The following DAGLB variants were observed in gnomAD, a reference collection of about 807,000 sequenced individuals.
DAGLB encodes the protein diacylglycerol lipase beta, also known as diacylglycerol lipase-beta.
DAGLB carries 66 observed loss-of-function variants against 72.1 expected under a neutral mutation model. The observed-to-expected ratio is 0.92, with a 90% CI of 0.75 to 1.12. The LOEUF is 1.12. Ranked by LOEUF, DAGLB falls within the 50% of genes most tolerant of loss-of-function variation. The pLI, the probability that DAGLB is intolerant of heterozygous loss-of-function variation, is 0.00. For synonymous variants in DAGLB, 414 were observed against 359.5 expected (o/e 1.15, Z -1.71); for missense variants, 1,065 against 884.9 (o/e 1.20, Z -2.58).
chr7:6,434,785 C>A lies in DAGLB; in HGVS notation c.655G>T (p.Glu219Ter). 6.2e-7 allele frequency: 1 copy of A among 1,614,202 alleles called. No individual in the cohort carries two copies. The highest frequency in any genetic ancestry group is 8.5e-7 in the Non-Finnish European group (1 of 1,180,046). The change falls in exon 4 of 15, where the codon GAG becomes TAG. Residue 219 changes from glutamate to a stop codon, truncating the protein, a stop_gained. Coordinates refer to ENST00000297056, the MANE Select transcript of DAGLB (RefSeq NM_139179.4). LOFTEE classifies it high-confidence loss of function. ...ACTGAAAAGTAGGTTGAGAAAAGCT[C>A]TGCCGTACTCGAAAAAGCAACCCGA... ...HTRVAFSSTAELFSTYFSDTD... is the reference protein window; with the variant it reads ...HTRVAFSSTA
chr7:6,435,344 G>A (rs991176862), intron 3 of DAGLB: 10 of 257,316 alleles, frequency 3.9e-5, no homozygotes, highest in Non-Finnish European at 7.8e-5. Context: ...AAATTAGCTG[G>A]GTGTGGTGGC....
At chr7:6,429,100 G>A (rs548583440) in intron 6 of DAGLB, among the ~76,000 whole-genome samples, 11 of 152,142 alleles carry the variant, frequency 7.2e-5, no homozygotes, top group South Asian at 2.1e-4. Context: ...CACCACGCCC[G>A]GCCTGGGACA....
chr7:6,415,715 G>T (rs1783887098), intron 11 of DAGLB, among the ~76,000 whole-genome samples: 1 of 151,382 alleles, frequency 6.6e-6, no homozygotes, highest in African/African-American at 2.4e-5. Context: ...TGTGGTGGCG[G>T]GCGCCTGTAG....
chr7:6,433,916 A>T (rs1324738213), intron 4 of DAGLB, among the ~76,000 whole-genome samples: 2 of 151,906 alleles, frequency 1.3e-5, no homozygotes, highest in East Asian at 3.9e-4. Context: ...TCTGCCTGTG[A>T]TGTAGATTAC....
Position 6,434,812 on chromosome 7 carries a change from T to C in DAGLB, c.628A>G (p.Thr210Ala), listed in dbSNP as rs775280116. The C allele has an allele frequency of 1.2e-6, 2 of 1,614,004 alleles. No individual in the cohort carries two copies. The highest frequency in any genetic ancestry group is 2.2e-5 in the South Asian group (2 of 91,074). The part of the protein sequence containing the change: ...LCCCIGKDDH[T>A]RVAFSSTAEL... ...GCCGTACTCGAAAAAGCAACCCGAG[T>C]ATGGTCGTCTTTCCCAATGCAACAG... The change falls in exon 4 of 15, where the codon ACT becomes GCT. Residue 210 changes from threonine to alanine, a missense_variant. Physicochemically the swap from Thr to Ala is moderately conservative, Grantham distance 58. Transcript: ENST00000297056.
At chr7:6,428,519 C>T (rs1475198756) in intron 6 of DAGLB, among the ~76,000 whole-genome samples, 5 of 149,556 alleles carry the variant, frequency 3.3e-5, no homozygotes, top group Non-Finnish European at 5.9e-5. Flanking sequence ...CAGAATCTTG[C>T]TCTGTTGCTT....
Position 6,422,185 on chromosome 7 carries a change from G to A in DAGLB, c.1141-381C>T, listed in dbSNP as rs1784150068. ...ACAGGTGAAACCGTGGAGAGGAGGA[G>A]GCCTAGACTAGCACCACAGCAAGGG... On this transcript the variant is annotated intron_variant, in intron 8 of 14. Transcript: ENST00000297056. The A allele has an allele frequency of 1.7e-4, 62 of 358,714 alleles. 2 individuals carry two copies. Among genetic ancestry groups the A allele is most frequent in the South Asian group, 1.3e-3 (62 of 47,734 alleles). The allele number at this position is 358,714 out of a possible 1,614,324, so 22.2% of individuals were successfully genotyped here. A position where few individuals can be genotyped will look rare whatever the true frequency, so the allele number is the denominator to read the frequency against.
At chr7:6,415,705 T>A (rs1042473745) in intron 11 of DAGLB, among the ~76,000 whole-genome samples, 5 of 149,810 alleles carry the variant, frequency 3.3e-5, no homozygotes, top group African/African-American at 1.2e-4. Flanking sequence ...ATTAGCCGGG[T>A]GTGGTGGCGG....
At chr7:6,412,727 G>C in intron 13 of DAGLB, 84 bp downstream of exon 13, 1 of 1,425,180 alleles carries the variant, frequency 7.0e-7, no homozygotes, top group Non-Finnish European at 9.7e-7. Flanking sequence ...CCTGCACTGA[G>C]GGTGCAATTC....
rs150179884 is a variant in DAGLB at position 6,415,034 on chromosome 7, G to A, written c.1427+1593C>T. ...AAATTAGCTGGATGTGGTGGTGTGC[G>A]CCTATGGTCCCAGCTACTTGGGAGG... On this transcript the variant is annotated intron_variant, in intron 11 of 14. Coordinates refer to ENST00000297056, the MANE Select transcript of DAGLB (RefSeq NM_139179.4). Among the ~76,000 whole-genome samples, 1,284 of 152,038 alleles carry A rather than the reference G, an allele frequency of 8.4e-3. 24 individuals are homozygous for A. Among genetic ancestry groups the A allele is most frequent in the African/African-American group, 0.03 (1,225 of 41,474 alleles).
In DAGLB at chr7:6,434,957, T is replaced by A. The variant is rs748850125; in HGVS notation, c.483A>T (p.Lys161Asn). The A allele has an allele frequency of 6.2e-7, 1 of 1,613,898 alleles. No homozygotes were observed. Reference protein sequence around the residue: ...IIIVFDPLGGKMAPYSSAGPS... With the variant: ...IIIVFDPLGGNMAPYSSAGPS... ...GGCCGGCAGAGGAATATGGAGCCAT[T>A]TTCCCCCCAAGAGGGTCAAAGACAA... The change falls in exon 4 of 15, where the codon AAA becomes AAT. Residue 161 changes from lysine to asparagine, a missense_variant. Lys to Asn is a moderately conservative substitution (Grantham distance 94). Coordinates refer to ENST00000297056, the MANE Select transcript of DAGLB (RefSeq NM_139179.4).
At chr7:6,437,170 T>A (rs192525127) in intron 2 of DAGLB, among the ~76,000 whole-genome samples, 19,010 of 137,240 alleles carry the variant, frequency 0.14, 2,013 homozygotes, top group East Asian at 0.2. Flanking sequence ...ATAATAATAA[T>A]AATAATAATA....
At chr7:6,426,403 G>A (rs1414284560) in intron 6 of DAGLB, among the ~76,000 whole-genome samples, 1 of 152,208 alleles carries the variant, frequency 6.6e-6, no homozygotes, top group Non-Finnish European at 1.5e-5. Context: ...CTGAGTAGCT[G>A]GGATTACATG....
chr7:6,412,795 C>G lies in DAGLB; in HGVS notation c.1569+16G>C. 6.4e-7 allele frequency: 1 copy of G among 1,572,486 alleles called. No homozygotes were observed. The highest frequency in any genetic ancestry group is 8.6e-7 in the Non-Finnish European group (1 of 1,156,318). On this transcript the variant is annotated intron_variant, in intron 13 of 14. Transcript: ENST00000297056. ...CCCCGTGTCCTGCTGACCCTCTCAA[C>G]AAGGCACCCGCTTACCTTGGGTTTA...
At chr7:6,430,846 G>C (rs1021019815) in intron 5 of DAGLB, among the ~76,000 whole-genome samples, 1 of 151,562 alleles carries the variant, frequency 6.6e-6, no homozygotes, top group African/African-American at 2.4e-5. Context: ...CACAATGTCA[G>C]CTCACTGCTA....
In DAGLB at chr7:6,434,797, A is replaced by G; in HGVS notation, c.643T>C (p.Ser215Pro). The G allele has an allele frequency of 1.2e-6, 2 of 1,614,220 alleles. No individual in the cohort carries two copies. The highest frequency in any genetic ancestry group is 1.7e-6 in the Non-Finnish European group (2 of 1,180,036). ...GKDDHTRVAF[S>P]STAELFSTYF... ...GTTGAGAAAAGCTCTGCCGTACTCG[A>G]AAAAGCAACCCGAGTATGGTCGTCT... The change falls in exon 4 of 15, where the codon TCG (serine) becomes CCG (proline). Residue 215 changes from serine to proline, a missense_variant. Coordinates refer to ENST00000297056, the MANE Select transcript of DAGLB (RefSeq NM_139179.4).
At chr7:6,446,453 G>A (rs1303756608) in intron 1 of DAGLB, among the ~76,000 whole-genome samples, 1 of 114,748 alleles carries the variant, frequency 8.7e-6, no homozygotes, top group Non-Finnish European at 1.6e-5. Context: ...ACTCCAGCCT[G>A]GGCAACGATA....
intron 9 of DAGLB, chr7:6,417,647 G>C (rs1238044888): frequency 6.6e-6 from 1 of 151,932 alleles, no homozygotes; most frequent in East Asian, 1.9e-4. Context: ...GGGAGGCTGA[G>C]GCAGGAGGAT....
At position 6,443,779 on chromosome 7, in the gene DAGLB, C is replaced by T. The variant is rs368835069; in HGVS notation, c.247+2174G>A. On this transcript the variant is annotated intron_variant, in intron 2 of 14. Coordinates refer to ENST00000297056, the MANE Select transcript of DAGLB (RefSeq NM_139179.4). ...GCAGTGACAAAGGACTAAAACATGG[C>T]GGATGGTGGCATGTCACACAGCCCT... Among the ~76,000 whole-genome samples, 11 of 152,190 alleles carry T rather than the reference C, an allele frequency of 7.2e-5. No homozygotes were observed. In the East Asian group the frequency reaches 1.7e-3, roughly 24 times the overall value.
Sources: gnomAD v4.1 joint callset for allele counts (sites outside exome capture counted in the v4.1 genomes callset) on GRCh38, gnomAD v4.1.1 for gene constraint, MANE v1.5 for transcripts, NCBI Gene and HGNC (gene_info 2026-07-23, HGNC 2026-07-21) for gene names.